Variants in ATP8A2 observed in about 807,000 individuals in gnomAD.
The protein encoded by ATP8A2 is ATPase phospholipid transporting 8A2, also known as phospholipid-transporting ATPase IB.
ATP8A2 carries 100 observed loss-of-function variants against 165.6 expected under a neutral mutation model. That is an observed-to-expected ratio of 0.60 (90% CI 0.51 to 0.71). The LOEUF is 0.71. Ranked by LOEUF, ATP8A2 falls within the 30% of genes least tolerant of loss-of-function variation. The pLI, the probability that ATP8A2 is intolerant of heterozygous loss-of-function variation, is 0.00. For missense variants in ATP8A2, 1,227 were observed against 1,479.5 expected (o/e 0.83, Z 2.80); for synonymous variants, 543 against 548.8 (o/e 0.99, Z 0.15).
chr13:25,912,415 A>C (rs895511757), intron 33 of ATP8A2, among the ~76,000 whole-genome samples: 3 of 152,160 alleles, frequency 2.0e-5, no homozygotes, highest in African/African-American at 7.2e-5. Context: ...GATGATGGTC[A>C]GAGGGTACAG....
At position 25,860,237 on chromosome 13, in the gene ATP8A2, T is replaced by A. The variant is rs1952304718; in HGVS notation, c.2999T>A (p.Val1000Asp). 4 of 1,611,092 alleles carry A rather than the reference T, an allele frequency of 2.5e-6. No individual in the cohort carries two copies. The highest frequency in any genetic ancestry group is 3.4e-6 in the Non-Finnish European group (4 of 1,177,674). The change falls in exon 31 of 37, where the codon GTT becomes GAT. Residue 1000 changes from valine to aspartate, a missense_variant. Coordinates refer to ENST00000381655, the MANE Select transcript of ATP8A2 (RefSeq NM_016529.6). ...TSGHATDYLF[V>D]GNIVYTYVVV... ...GGTCATGCTACCGACTATTTATTTG[T>A]TGGAAATATTGTTTACACAGTAAGT...
intron 1 of ATP8A2, 162 bp from the exon 2 acceptor site, chr13:25,468,815 C>G: frequency 3.1e-6 from 3 of 982,502 alleles, no homozygotes; most frequent in Non-Finnish European, 1.2e-6. Context: ...GCGGCACAGG[C>G]GGCGGCGTCT....
intron 24 of ATP8A2, among the ~76,000 whole-genome samples, chr13:25,681,874 T>A (rs1339544160): frequency 2.0e-5 from 3 of 150,146 alleles, no homozygotes; most frequent in Non-Finnish European, 4.5e-5. Context: ...TGAAAATAGT[T>A]GAGAACAAAC....
chr13:25,518,631 GCTGTCAA>G (rs2037557178), intron 2 of ATP8A2, among the ~76,000 whole-genome samples: 1 of 152,178 alleles, frequency 6.6e-6, no homozygotes. Flanking sequence ...CTGGAGAACA[GCTGTCAA>G]CTTCAATTTT....
intron 2 of ATP8A2, among the ~76,000 whole-genome samples, chr13:25,486,778 C>A (rs555815517): frequency 6.6e-6 from 1 of 152,224 alleles, no homozygotes; most frequent in East Asian, 1.9e-4. Flanking sequence ...CAGCGTGGGG[C>A]AACATGGTGA....
At chr13:25,831,727 C>T (rs1463323956) in intron 28 of ATP8A2, among the ~76,000 whole-genome samples, 8 of 151,398 alleles carry the variant, frequency 5.3e-5, no homozygotes, top group Admixed American at 4.6e-4. Flanking sequence ...CCTGTAATCC[C>T]AGCTACTTGG....
chr13:25,773,800 T>C (rs1464407498), intron 26 of ATP8A2, among the ~76,000 whole-genome samples: 2 of 152,152 alleles, frequency 1.3e-5, no homozygotes, highest in African/African-American at 2.4e-5. Flanking sequence ...TGTGTGCCAC[T>C]ATCTCTGTGT....
chr13:25,593,359 T>C (rs1415774564), intron 24 of ATP8A2, among the ~76,000 whole-genome samples: 1 of 152,132 alleles, frequency 6.6e-6, no homozygotes, highest in Non-Finnish European at 1.5e-5. Flanking sequence ...GACCAGTAAG[T>C]ATGGCCAGGT....
At chr13:25,947,484 G>T (rs1593607422) in intron 33 of ATP8A2, among the ~76,000 whole-genome samples, 1 of 152,146 alleles carries the variant, frequency 6.6e-6, no homozygotes, top group African/African-American at 2.4e-5. Context: ...ACAATGACTA[G>T]AGTCTTCAGT....
chr13:25,959,453 A>C (rs183164383), intron 33 of ATP8A2, among the ~76,000 whole-genome samples: 1 of 152,338 alleles, frequency 6.6e-6, no homozygotes, highest in Non-Finnish European at 1.5e-5. Context: ...GTTTTTGTAA[A>C]GGTAAGGAAA....
intron 25 of ATP8A2, among the ~76,000 whole-genome samples, chr13:25,763,948 CTAAT>C (rs1420702994): frequency 6.6e-6 from 1 of 152,154 alleles, no homozygotes; most frequent in Non-Finnish European, 1.5e-5. Flanking sequence ...GTATATCTAT[CTAAT>C]TAAGCTATGA....
intron 16 of ATP8A2, among the ~76,000 whole-genome samples, chr13:25,569,769 A>G (rs1179827714): frequency 6.6e-6 from 1 of 152,230 alleles, no homozygotes; most frequent in Admixed American, 6.5e-5. Context: ...ACAAAAATCA[A>G]TGTTTCTACT....
At position 26,012,569 on chromosome 13, in the gene ATP8A2, G is replaced by A. The variant is rs748057522; in HGVS notation, c.3416G>A (p.Arg1139Gln). The A allele has an allele frequency of 7.2e-6, 11 of 1,532,254 alleles. No individual in the cohort carries two copies. In the South Asian group the frequency reaches 1.2e-4, roughly 17 times the overall value. The allele number at this position is 1,532,254 out of a possible 1,614,324, so 94.9% of individuals were successfully genotyped here. ...ERDRLIKRLG[R>Q]KTPPTLFRGS... ...GACCGCCTGATCAAGAGGCTGGGCC[G>A]GAAGACGCCCCCGACGCTGTTCCGG... The change falls in exon 36 of 37, where the codon CGG becomes CAG. Residue 1139 changes from arginine (R) to glutamine (Q), a missense_variant. Coordinates refer to ENST00000381655, the MANE Select transcript of ATP8A2 (RefSeq NM_016529.6).
chr13:25,690,924 T>C (rs2042710410), intron 24 of ATP8A2, among the ~76,000 whole-genome samples: 2 of 152,186 alleles, frequency 1.3e-5, no homozygotes, highest in Non-Finnish European at 1.5e-5. Context: ...ATTCATAATA[T>C]CCTCAAAGTG....
chr13:25,428,927 C>T (rs781068484), intron 1 of ATP8A2, among the ~76,000 whole-genome samples: 3 of 152,118 alleles, frequency 2.0e-5, no homozygotes, highest in South Asian at 4.1e-4. Context: ...GCTCACAGCA[C>T]GACCCCAGAA....
At chr13:25,427,916 G>C (rs2138131846) in intron 1 of ATP8A2, among the ~76,000 whole-genome samples, 1 of 152,052 alleles carries the variant, frequency 6.6e-6, no homozygotes, top group Non-Finnish European at 1.5e-5. Context: ...AAAGCAAGTT[G>C]GCTGGGTGCG....
Position 25,707,672 on chromosome 13 carries a change from T to C in ATP8A2, c.2384+8327T>C, listed in dbSNP as rs9553647. Among the ~76,000 whole-genome samples, 82 of 152,382 alleles carry C rather than the reference T, an allele frequency of 5.4e-4. 5 individuals carry two copies. The East Asian group carries it at 0.012, about 22-fold the overall frequency. On this transcript the variant is annotated intron_variant, in intron 25 of 36. Coordinates refer to ENST00000381655, the MANE Select transcript of ATP8A2 (RefSeq NM_016529.6). ...GCATTTAATAATGAGGATTGATCTA[T>C]AATAATATGCTGTGTAATTGGGAAC... is the stretch of plus-strand genomic sequence containing the variant.
chr13:25,811,123 C>T (rs1427989908), intron 27 of ATP8A2, among the ~76,000 whole-genome samples: 1 of 151,986 alleles, frequency 6.6e-6, no homozygotes, highest in African/African-American at 2.4e-5. Flanking sequence ...AACTAAGAGG[C>T]AGCTGTTTCC....
rs2041376835 is a variant in ATP8A2, at chr13:25,636,714, T to A, written c.2211+47015T>A. On this transcript the variant is annotated intron_variant, in intron 24 of 36. Transcript: ENST00000381655. ...CTGTTCTGAATTTTGTGTTTATTAT[T>A]CCCTAGTTTTTAGAAGCAGTTTCTC... Among the ~76,000 whole-genome samples, 11 of 152,276 alleles carry A rather than the reference T, an allele frequency of 7.2e-5. 1 individual carries two copies. In the South Asian group the frequency reaches 2.3e-3, roughly 32 times the overall value.
Sources: gnomAD v4.1 joint callset for allele counts (sites outside exome capture counted in the v4.1 genomes callset) on GRCh38, gnomAD v4.1.1 for gene constraint, MANE v1.5 for transcripts, NCBI Gene and HGNC (gene_info 2026-07-23, HGNC 2026-07-21) for gene names.